PLAAT5: variants seen among roughly 807,000 people sequenced by gnomAD.
PLAAT5 encodes the protein phospholipase A and acyltransferase 5.
Under a neutral mutation model 27.8 loss-of-function variants are expected in PLAAT5, and 27 were observed. The observed-to-expected ratio is 0.97, with a 90% confidence interval of 0.72 to 1.34. The LOEUF (loss-of-function observed/expected upper bound fraction) is 1.34, where lower values mean the gene tolerates loss of function less well. Among genes scored for constraint, PLAAT5 ranks in the 40% most tolerant of loss-of-function variants. The probability of loss-of-function intolerance (pLI) is 0.00; values close to 1 mark genes in which losing one functional copy is unlikely to be tolerated. For missense variants in PLAAT5, 368 were observed against 343.8 expected, an observed-to-expected ratio of 1.07 and a Z score of -0.56; for synonymous variants, 125 against 136.1, an observed-to-expected ratio of 0.92 and a Z score of 0.57.
At position 63,461,983 on chromosome 11, in the gene PLAAT5, G is replaced by C. The variant is rs544967749; in HGVS notation, c.*1520C>G. The C allele has an allele frequency of 6.6e-6, 1 of 152,230 alleles. No homozygotes were observed. Among genetic ancestry groups the C allele is most frequent in the Non-Finnish European group, 1.5e-5 (1 of 68,048 alleles). 9.4% of individuals were successfully genotyped at this position (152,230 alleles called of 1,614,324 possible). A position where few individuals can be genotyped will look rare whatever the true frequency, so the allele number is the denominator to read the frequency against. ...GTCTTTCTGTCCCAAACATAAGCAA[G>C]AGATGGATGAGTCCTCTGTGCAGAA... On this transcript the variant is annotated 3_prime_UTR_variant, in exon 6 of 6. Transcript: ENST00000540857.
intron 3 of PLAAT5, among the ~76,000 whole-genome samples, chr11:63,479,734 G>C (rs1249067396): frequency 1.3e-5 from 2 of 152,148 alleles, no homozygotes; most frequent in African/African-American, 4.8e-5. Flanking sequence ...TACTATCTAA[G>C]TCCTGACACT....
chr11:63,491,149 CGGCTCGGGGA>C lies in PLAAT5; in HGVS notation c.-125_-116del. 1 of 954,628 alleles carries C rather than the reference CGGCTCGGGGA, an allele frequency of 1.0e-6. No individual in the cohort carries two copies. The highest frequency in any genetic ancestry group is 1.7e-5 in the African/African-American group (1 of 58,070). The allele number at this position is 954,628 out of a possible 1,614,324, so 59.1% of individuals were successfully genotyped here. On this transcript the variant is annotated 5_prime_UTR_variant, in exon 1 of 6. Transcript: ENST00000540857. Reference sequence around the variant, plus strand: ...GCCGCGGAAGCTTGGGCACTGGGGGCGGCTCGGGGAGGAACCGCGGAGGGGAAAGCGCCGC... The same window carrying C: ...GCCGCGGAAGCTTGGGCACTGGGGGCGGAACCGCGGAGGGGAAAGCGCCGC...
chr11:63,470,756 TAAAG>T (rs1410108625), intron 3 of PLAAT5: 1 of 152,188 alleles, frequency 6.6e-6, no homozygotes, highest in African/African-American at 2.4e-5. Flanking sequence ...TGTACAAATA[TAAAG>T]AATGTGGAAA....
chr11:63,487,446 T>C (rs953653174), intron 3 of PLAAT5, among the ~76,000 whole-genome samples: 13 of 152,156 alleles, frequency 8.5e-5, no homozygotes. Flanking sequence ...GCTGATGAAC[T>C]GGAACTCTTA....
At chr11:63,478,896 G>A (rs757533775) in intron 3 of PLAAT5, among the ~76,000 whole-genome samples, 3 of 152,150 alleles carry the variant, frequency 2.0e-5, no homozygotes, top group Non-Finnish European at 4.4e-5. Context: ...CAAGTCCATG[G>A]TCGAGCTAGG....
At chr11:63,470,781 A>G (rs996918034) in intron 3 of PLAAT5, 1 of 152,218 alleles carries the variant, frequency 6.6e-6, no homozygotes, top group Non-Finnish European at 1.5e-5. Flanking sequence ...AGCCATTGCT[A>G]TCTGCTCACA....
At chr11:63,466,750 C>T (rs1241593932) in intron 4 of PLAAT5, among the ~76,000 whole-genome samples, 1 of 152,106 alleles carries the variant, frequency 6.6e-6, no homozygotes, top group Non-Finnish European at 1.5e-5. Flanking sequence ...AGTGTCAGCT[C>T]ATGGGTAAAA....
chr11:63,474,660 T>C (rs542917470), intron 3 of PLAAT5, among the ~76,000 whole-genome samples: 2 of 152,182 alleles, frequency 1.3e-5, no homozygotes, highest in South Asian at 2.1e-4. Context: ...TTCTATTTCA[T>C]TGATTTCTAC....
intron 3 of PLAAT5, among the ~76,000 whole-genome samples, chr11:63,481,058 C>T (rs1223260564): frequency 6.6e-6 from 1 of 152,222 alleles, no homozygotes; most frequent in Non-Finnish European, 1.5e-5. Context: ...TTTTCTGGAG[C>T]ATTTTTCATC....
intron 3 of PLAAT5, among the ~76,000 whole-genome samples, chr11:63,486,248 CACA>C (rs2120338799): frequency 6.6e-6 from 1 of 152,226 alleles, no homozygotes; most frequent in Non-Finnish European, 1.5e-5. Flanking sequence ...CTAGAAGTAG[CACA>C]ACAATTTGAT....
At chr11:63,464,385 T>C (rs770391686) in intron 5 of PLAAT5, among the ~76,000 whole-genome samples, 4 of 152,224 alleles carry the variant, frequency 2.6e-5, no homozygotes, top group Admixed American at 6.5e-5. Context: ...AGGTTGGGTG[T>C]GGTGGCTCAC....
rs1478423891 is a variant in PLAAT5, at chr11:63,483,790, T to C, written c.345+5081A>G. Among the ~76,000 whole-genome samples the C allele has an allele frequency of 2.6e-4, 18 of 69,192 alleles. No homozygotes were observed. The South Asian group carries it at 5.8e-3, about 22-fold the overall frequency. 45.4% of individuals were successfully genotyped at this position (69,192 alleles called of 152,430 possible). A position where few individuals can be genotyped will look rare whatever the true frequency, so the allele number is the denominator to read the frequency against. ...GAAATTGAAGCAAAAAAAAAATATA[T>C]ATATATATATGTATATATATATATA... is the stretch of plus-strand genomic sequence containing the variant. On this transcript the variant is annotated intron_variant, in intron 3 of 5. Transcript: ENST00000540857.
At chr11:63,465,558 G>A (rs372269745) in intron 5 of PLAAT5, among the ~76,000 whole-genome samples, 3 of 151,942 alleles carry the variant, frequency 2.0e-5, no homozygotes, top group African/African-American at 7.3e-5. Context: ...TTGGGAGGTC[G>A]AAGTGGAGGA....
chr11:63,473,886 G>A (rs1259572226), intron 3 of PLAAT5, among the ~76,000 whole-genome samples: 1 of 151,310 alleles, frequency 6.6e-6, no homozygotes, highest in East Asian at 1.9e-4. Flanking sequence ...TAATTTATTT[G>A]GTTTGTTTCA....
rs1590630554 is a variant in PLAAT5, at chr11:63,488,784, A to G, written c.345+87T>C. Reference sequence around the variant, plus strand: ...GCCCAGGGAAGCCTAAAGATTGGACACCCCTAGAAACAAAGTAAAATACAA... The same window carrying G: ...GCCCAGGGAAGCCTAAAGATTGGACGCCCCTAGAAACAAAGTAAAATACAA... On this transcript the variant is annotated intron_variant, in intron 3 of 5. Coordinates refer to ENST00000540857, the MANE Select transcript of PLAAT5 (RefSeq NM_001146729.2). 1.6e-5 allele frequency: 13 copies of G among 816,488 alleles called. No homozygotes were observed. The East Asian group carries it at 2.1e-4, about 13-fold the overall frequency. The allele number at this position is 816,488 out of a possible 1,614,324, so 50.6% of individuals were successfully genotyped here.
rs2016563804 is a variant in PLAAT5, at chr11:63,491,157, G to A, written c.-123C>T. 4.7e-6 allele frequency: 4 copies of A among 859,580 alleles called. No homozygotes were observed. Among genetic ancestry groups the A allele is most frequent in the Non-Finnish European group, 4.8e-6 (3 of 622,916 alleles). The allele number at this position is 859,580 out of a possible 1,614,324, so 53.2% of individuals were successfully genotyped here. A position where few individuals can be genotyped will look rare whatever the true frequency, so the allele number is the denominator to read the frequency against. On this transcript the variant is annotated 5_prime_UTR_variant, in exon 1 of 6. Coordinates refer to ENST00000540857, the MANE Select transcript of PLAAT5 (RefSeq NM_001146729.2). ...AGCTTGGGCACTGGGGGCGGCTCGG[G>A]GAGGAACCGCGGAGGGGAAAGCGCC...
At chr11:63,481,150 A>G (rs756019399) in intron 3 of PLAAT5, among the ~76,000 whole-genome samples, 6 of 152,150 alleles carry the variant, frequency 3.9e-5, no homozygotes, top group East Asian at 1.9e-4. Flanking sequence ...TTAATAATCA[A>G]CCTTCTGGGC....
rs552608422 is a variant in PLAAT5 at position 63,483,926 on chromosome 11, AAAGAG to A, written c.345+4940_345+4944del. 3.1e-3 allele frequency among the ~76,000 whole-genome samples: 451 copies of A among 146,692 alleles called. 1 individual carries two copies. Among genetic ancestry groups the A allele is most frequent in the African/African-American group, 0.01 (427 of 40,710 alleles). ...AGACCATTAATGAGATTAACCAAGA[AAAGAG>A]AAGAGATCCAAATAAATTCAATTAG... On this transcript the variant is annotated intron_variant, in intron 3 of 5. Coordinates refer to ENST00000540857, the MANE Select transcript of PLAAT5 (RefSeq NM_001146729.2).
In PLAAT5 at chr11:63,463,366, G is replaced by A. The variant is rs151033115; in HGVS notation, c.*137C>T. 1.3e-5 allele frequency: 9 copies of A among 715,012 alleles called. No individual in the cohort carries two copies. The African/African-American group carries it at 1.4e-4, about 11-fold the overall frequency. 44.3% of individuals were successfully genotyped at this position (715,012 alleles called of 1,614,324 possible). A position where few individuals can be genotyped will look rare whatever the true frequency, so the allele number is the denominator to read the frequency against. ...ATATATTGGATGTATTTCTGGAAGG[G>A]TAATTGGATACATTGTAGATTCTTC... is the stretch of plus-strand genomic sequence containing the variant. On this transcript the variant is annotated 3_prime_UTR_variant, in exon 6 of 6. Coordinates refer to ENST00000540857, the MANE Select transcript of PLAAT5 (RefSeq NM_001146729.2).
Sources: allele counts gnomAD v4.1 joint callset (sites outside exome capture counted in the v4.1 genomes callset), GRCh38; gene constraint gnomAD v4.1.1; transcripts MANE v1.5; gene names NCBI Gene and HGNC (gene_info 2026-07-23, HGNC 2026-07-21).